The following GNA15 variants were observed in gnomAD, a reference collection of about 807,000 sequenced individuals.
GNA15 encodes the protein guanine nucleotide-binding protein subunit alpha-15.
GNA15 carries 23 observed loss-of-function variants against 40.1 expected under a neutral mutation model. The ratio of observed to expected loss-of-function variants is 0.57; its 90% confidence interval spans 0.41 to 0.81. GNA15 has a LOEUF of 0.81. Among genes scored for constraint, GNA15 ranks in the 40% least tolerant of loss-of-function variants. The probability of loss-of-function intolerance (pLI) is 0.00; values close to 1 mark genes in which losing one functional copy is unlikely to be tolerated. For missense variants in GNA15, 522 were observed against 515.8 expected (o/e 1.01, Z -0.12); for synonymous variants, 226 against 210.4 (o/e 1.07, Z -0.64).
At chr19:3,138,677 C>A (rs1379879718) in intron 1 of GNA15, among the ~76,000 whole-genome samples, 3 of 151,908 alleles carry the variant, frequency 2.0e-5, no homozygotes, top group African/African-American at 7.3e-5. Context: ...GTCACCCAGG[C>A]TGGGGTGCAG....
At chr19:3,148,502 G>A in intron 1 of GNA15, 89 bp from the exon 2 acceptor site, 5 of 1,302,724 alleles carry the variant, frequency 3.8e-6, no homozygotes, top group East Asian at 2.6e-5. Context: ...GAGGCCTGGC[G>A]TGGAGTTGGG....
chr19:3,149,316 TG>T (rs1914821063), intron 2 of GNA15: 1 of 159,152 alleles, frequency 6.3e-6, no homozygotes, highest in African/African-American at 2.5e-5. Flanking sequence ...CACACAAGCA[TG>T]CATGCAAATT....
chr19:3,156,334 C>G lies in GNA15; in HGVS notation c.744+382C>G, dbSNP rs1340733309. The stretch of plus-strand genomic sequence containing the variant: ...GCAGTGCACATGCACAACACATGCA[C>G]ACGAACACACATGCACCACACACAT... On this transcript the variant is annotated intron_variant, in intron 5 of 6. Transcript: ENST00000262958. Among the ~76,000 whole-genome samples, 5 of 152,128 alleles carry G rather than the reference C, an allele frequency of 3.3e-5. No individual in the cohort carries two copies. In the East Asian group the frequency reaches 9.7e-4, roughly 30 times the overall value.
chr19:3,145,982 G>T (rs1168605221), intron 1 of GNA15, among the ~76,000 whole-genome samples: 1 of 152,180 alleles, frequency 6.6e-6, no homozygotes, highest in Admixed American at 6.5e-5. Flanking sequence ...GCTAGGTGGA[G>T]TTGGAGGCGT....
chr19:3,154,524 A>G (rs961595370), intron 4 of GNA15, among the ~76,000 whole-genome samples: 2 of 149,404 alleles, frequency 1.3e-5, no homozygotes, highest in African/African-American at 5.0e-5. Context: ...GGAGAGATGG[A>G]TGGGTGGGTC....
rs905847423 is a variant in GNA15, at chr19:3,155,573, G to A, written c.615-250G>A. Among the ~76,000 whole-genome samples, 7 of 152,204 alleles carry A rather than the reference G, an allele frequency of 4.6e-5. No homozygotes were observed. Among genetic ancestry groups the A allele is most frequent in the African/African-American group, 1.7e-4 (7 of 41,452 alleles). ...CTCCCCTCTAATATGGGGGTAGAAAGCAGGCAGCCCAGCACAGTAGAAGCT... is the reference window on the plus strand; with the variant it reads ...CTCCCCTCTAATATGGGGGTAGAAAACAGGCAGCCCAGCACAGTAGAAGCT... On this transcript the variant is annotated intron_variant, in intron 4 of 6. Coordinates refer to ENST00000262958, the MANE Select transcript of GNA15 (RefSeq NM_002068.4). The surrounding 1 kb of genome is among the most constrained non-coding windows in gnomAD (Gnocchi z 5.6).
At chr19:3,146,009 G>A (rs1190260290) in intron 1 of GNA15, among the ~76,000 whole-genome samples, 4 of 152,122 alleles carry the variant, frequency 2.6e-5, no homozygotes, top group Admixed American at 2.0e-4. Flanking sequence ...CAGCCCTTTG[G>A]GGAGATGGGA....
rs577710566 is a variant in GNA15 at position 3,144,969 on chromosome 19, C to T, written c.146-3622C>T. Among the ~76,000 whole-genome samples, 20 of 151,954 alleles carry T rather than the reference C, an allele frequency of 1.3e-4. No homozygotes were observed. In the East Asian group the frequency reaches 3.7e-3, roughly 28 times the overall value. On this transcript the variant is annotated intron_variant, in intron 1 of 6. Coordinates refer to ENST00000262958, the MANE Select transcript of GNA15 (RefSeq NM_002068.4). The stretch of plus-strand genomic sequence containing the variant: ...TCAGCCTCCTGTGTAGCTGGGATTA[C>T]AGGTGCGCGCCACCATGCCCAGCTA...
chr19:3,136,474 C>T lies in GNA15; in HGVS notation c.24C>T (p.Arg8=), dbSNP rs556784328. The T allele has an allele frequency of 6.4e-7, 1 of 1,552,038 alleles. No individual in the cohort carries two copies. Among genetic ancestry groups the T allele is most frequent in the South Asian group, 1.2e-5 (1 of 84,140 alleles). MARSLTW[R]CCPWCLTEDE... ...CCATGGCCCGCTCGCTGACCTGGCG[C>T]TGCTGCCCCTGGTGCCTGACGGAGG... Residue 8 remains arginine, a synonymous_variant, in exon 1 of 7, where the codon CGC becomes CGT. Coordinates refer to ENST00000262958, the MANE Select transcript of GNA15 (RefSeq NM_002068.4). The surrounding 1 kb of genome is among the most constrained non-coding windows in gnomAD (Gnocchi z 4.9).
intron 6 of GNA15, 81 bp downstream of exon 6, chr19:3,157,962 AG>A: frequency 8.7e-7 from 1 of 1,143,940 alleles, no homozygotes; most frequent in East Asian, 2.3e-5. Flanking sequence ...ACTCTACTTC[AG>A]CCTGGAGTCA....
intron 1 of GNA15, among the ~76,000 whole-genome samples, chr19:3,137,070 G>A (rs1914476089): frequency 1.3e-5 from 2 of 152,222 alleles, no homozygotes; most frequent in Admixed American, 6.5e-5. Context: ...CTCCTTTGGG[G>A]GCTAGAAAGG....
intron 3 of GNA15, 25 bp downstream of exon 3, chr19:3,150,310 G>T: frequency 6.6e-7 from 1 of 1,520,822 alleles, no homozygotes; most frequent in South Asian, 1.3e-5. Flanking sequence ...TGCGGGGGAT[G>T]GGCGCGTGGG....
chr19:3,137,588 C>T (rs906412915), intron 1 of GNA15, among the ~76,000 whole-genome samples: 1 of 151,982 alleles, frequency 6.6e-6, no homozygotes, highest in Non-Finnish European at 1.5e-5. Flanking sequence ...TCGAGACCAG[C>T]CTGACCAACA....
Position 3,151,930 on chromosome 19 carries a change from C to A in GNA15, c.614+95C>A. The A allele has an allele frequency of 1.1e-6, 1 of 906,530 alleles. No homozygotes were observed. The highest frequency in any genetic ancestry group is 2.9e-5 in the East Asian group (1 of 34,390). 56.2% of individuals were successfully genotyped at this position (906,530 alleles called of 1,614,324 possible). A position where few individuals can be genotyped will look rare whatever the true frequency, so the allele number is the denominator to read the frequency against. On this transcript the variant is annotated intron_variant, in intron 4 of 6. Coordinates refer to ENST00000262958, the MANE Select transcript of GNA15 (RefSeq NM_002068.4). This position sits in a 1 kb window ranked among gnomAD's most constrained non-coding sequence, Gnocchi z 5.0. The stretch of plus-strand genomic sequence containing the variant: ...GGCCCTGAGGGATGAGTAGGAGTTT[C>A]TTAGGCCCAGCCTTCAAGGAGCTGC...
At chr19:3,152,772 C>A (rs1044187754) in intron 4 of GNA15, among the ~76,000 whole-genome samples, 2 of 152,064 alleles carry the variant, frequency 1.3e-5, no homozygotes, top group African/African-American at 4.8e-5. Context: ...TTTGACCTAC[C>A]CCTATTTGGC....
chr19:3,162,985 T>G lies in GNA15; in HGVS notation c.1091T>G (p.Leu364Arg). ...KVFKDVRDSV[L>R]ARYLDEINLL Reference sequence around the variant, plus strand: ...TTCAAGGACGTGCGGGACTCGGTGCTCGCCCGCTACCTGGACGAGATCAAC... The same window carrying G: ...TTCAAGGACGTGCGGGACTCGGTGCGCGCCCGCTACCTGGACGAGATCAAC... The change falls in exon 7 of 7, where the codon CTC (leucine) becomes CGC (arginine). Residue 364 changes from leucine (L) to arginine (R), a missense_variant. Transcript: ENST00000262958. The G allele has an allele frequency of 1.2e-6, 2 of 1,613,814 alleles. No homozygotes were observed. Among genetic ancestry groups the G allele is most frequent in the Non-Finnish European group, 8.5e-7 (1 of 1,179,834 alleles).
intron 1 of GNA15, among the ~76,000 whole-genome samples, chr19:3,147,509 C>A (rs528507607): frequency 6.7e-6 from 1 of 149,342 alleles, no homozygotes; most frequent in Non-Finnish European, 1.5e-5. Flanking sequence ...GCTGAGATTG[C>A]GCCATTGCAC....
chr19:3,156,507 C>T (rs62127301), intron 5 of GNA15, among the ~76,000 whole-genome samples: 1 of 151,746 alleles, frequency 6.6e-6, no homozygotes, highest in Non-Finnish European at 1.5e-5. Context: ...CACACACATG[C>T]GTGCACACAC....
intron 2 of GNA15, 57 bp from the exon 3 acceptor site, chr19:3,150,074 C>A (rs770461693): frequency 4.0e-6 from 6 of 1,490,752 alleles, no homozygotes; most frequent in Admixed American, 1.8e-5. Flanking sequence ...GAGATGCCTG[C>A]GGAGGGCAGC....
Sources: allele counts gnomAD v4.1 joint callset (sites outside exome capture counted in the v4.1 genomes callset), GRCh38; gene constraint gnomAD v4.1.1; non-coding constraint Gnocchi (gnomAD v3.1); transcripts MANE v1.5; gene names NCBI Gene and HGNC (gene_info 2026-07-23, HGNC 2026-07-21).